The following CCDC201 variants were observed in gnomAD, a reference collection of about 807,000 sequenced individuals.
The protein encoded by CCDC201 is coiled-coil domain-containing protein 201.
intron 2 of CCDC201, among the ~76,000 whole-genome samples, chr7:45,865,648 GTCA>G (rs1296546248): frequency 6.6e-6 from 1 of 152,132 alleles, no homozygotes; most frequent in Non-Finnish European, 1.5e-5. Flanking sequence ...AGCTGAAAGA[GTCA>G]TCACCCAGAC....
chr7:45,867,531 C>T (rs1481293910), intron 1 of CCDC201, among the ~76,000 whole-genome samples: 2 of 152,218 alleles, frequency 1.3e-5, no homozygotes, highest in Non-Finnish European at 2.9e-5. Flanking sequence ...ATGATTTTAA[C>T]ATTTCCTGAT....
chr7:45,881,474 C>A, the CCDC201 span, among the ~76,000 whole-genome samples: 1 of 152,104 alleles, frequency 6.6e-6, no homozygotes, highest in African/African-American at 2.4e-5. Flanking sequence ...GTGGGATGCG[C>A]CCCCAGAGGC....
At chr7:45,873,143 A>T (rs1786760166), upstream of CCDC201, 1 of 152,328 alleles carries the variant, frequency 6.6e-6, no homozygotes, top group Non-Finnish European at 1.5e-5. Context: ...AGCCAGAGTT[A>T]GCCTGACGGC....
chr7:45,879,599 T>G, the CCDC201 span, among the ~76,000 whole-genome samples: 1 of 152,032 alleles, frequency 6.6e-6, no homozygotes, highest in Admixed American at 6.6e-5. Flanking sequence ...ACAAGCAGCA[T>G]TAGGGGGATG....
intron 2 of CCDC201, among the ~76,000 whole-genome samples, chr7:45,863,945 T>C (rs764567062): frequency 6.6e-6 from 1 of 151,304 alleles, no homozygotes; most frequent in Non-Finnish European, 1.5e-5. Flanking sequence ...AGAGACAGAG[T>C]GGCCAAAGCT....
At chr7:45,869,980 C>A (rs1193744008) in intron 1 of CCDC201, among the ~76,000 whole-genome samples, 8 of 152,080 alleles carry the variant, frequency 5.3e-5, no homozygotes, top group Admixed American at 1.3e-4. Flanking sequence ...CCATGTCCAG[C>A]TAATTTTTGT....
chr7:45,876,736 C>T (rs370419214), upstream of CCDC201, among the ~76,000 whole-genome samples: 318 of 152,294 alleles, frequency 2.1e-3, 2 homozygotes, highest in African/African-American at 5.9e-3. Flanking sequence ...GGGTGGCAGC[C>T]GTCAGGTGCT....
chr7:45,863,383 G>A (rs1479642814), intron 2 of CCDC201, among the ~76,000 whole-genome samples: 2 of 152,152 alleles, frequency 1.3e-5, no homozygotes, highest in African/African-American at 2.4e-5. Flanking sequence ...GGAGACAGAC[G>A]AGTGTATAGG....
the CCDC201 span, among the ~76,000 whole-genome samples, chr7:45,882,680 C>A: frequency 6.6e-6 from 1 of 152,210 alleles, no homozygotes; most frequent in Non-Finnish European, 1.5e-5. Flanking sequence ...TGGAGTGACA[C>A]AATGGGACTG....
chr7:45,874,303 G>C (rs1186144706), upstream of CCDC201, among the ~76,000 whole-genome samples: 1 of 152,166 alleles, frequency 6.6e-6, no homozygotes, highest in Admixed American at 6.5e-5. Context: ...ACCAAGACAA[G>C]AACCCAGGAC....
At chr7:45,874,350 T>C (rs1786776358), upstream of CCDC201, among the ~76,000 whole-genome samples, 1 of 152,258 alleles carries the variant, frequency 6.6e-6, no homozygotes, top group Non-Finnish European at 1.5e-5. Context: ...TATCCCTTGC[T>C]ACTCTGTATT....
chr7:45,860,703 C>T (rs1435293353), exon 3 of CCDC201: 1 of 152,194 alleles, frequency 6.6e-6, no homozygotes, highest in African/African-American at 2.4e-5. Context: ...TCTCCTGTCC[C>T]CAAGAATTTG....
intron 1 of CCDC201, 128 bp from the exon 2 acceptor site, chr7:45,866,622 G>A (rs1285618560): frequency 6.6e-6 from 1 of 152,198 alleles, no homozygotes; most frequent in South Asian, 2.1e-4. Flanking sequence ...CTAAGTTGTC[G>A]CCCAGAGAGG....
chr7:45,884,337 C>T, the CCDC201 span, among the ~76,000 whole-genome samples: 2 of 152,270 alleles, frequency 1.3e-5, no homozygotes, highest in Admixed American at 6.5e-5. Context: ...TGGCCTCAAA[C>T]GATTCTCCCA....
intron 1 of CCDC201, among the ~76,000 whole-genome samples, chr7:45,871,092 G>T (rs1786738638): frequency 6.6e-6 from 1 of 152,140 alleles, no homozygotes; most frequent in Admixed American, 6.5e-5. Flanking sequence ...ATAAAATATT[G>T]TAATATATTG....
At chr7:45,864,903 G>A (rs370557938) in intron 2 of CCDC201, among the ~76,000 whole-genome samples, 61 of 152,270 alleles carry the variant, frequency 4.0e-4, no homozygotes, top group African/African-American at 1.4e-3. Flanking sequence ...CCCAAGGTTA[G>A]GAAGGAAAAG....
upstream of CCDC201, among the ~76,000 whole-genome samples, chr7:45,876,934 C>A (rs912535372): frequency 7.2e-5 from 11 of 152,228 alleles, no homozygotes; most frequent in African/African-American, 2.7e-4. Flanking sequence ...GAAGTCCAAG[C>A]TGCCAGTTTG....
chr7:45,864,213 G>A (rs1223334029), intron 2 of CCDC201, among the ~76,000 whole-genome samples: 6 of 152,188 alleles, frequency 3.9e-5, no homozygotes, highest in Non-Finnish European at 8.8e-5. Context: ...CACAGCGACT[G>A]AGGAAGATGC....
chr7:45,872,583 A>C (rs1373377699), intron 1 of CCDC201, among the ~76,000 whole-genome samples: 1 of 152,172 alleles, frequency 6.6e-6, no homozygotes, highest in African/African-American at 2.4e-5. Flanking sequence ...CCAGTGTCTC[A>C]GGACAATGTC....
Sources: gnomAD v4.1 joint callset for allele counts (sites outside exome capture counted in the v4.1 genomes callset) on GRCh38, gnomAD v4.1.1 for gene constraint, MANE v1.5 for transcripts, NCBI Gene and HGNC (gene_info 2026-07-23, HGNC 2026-07-21) for gene names.